ANO7: variants seen among roughly 807,000 people sequenced by gnomAD.
ANO7 encodes the protein anoctamin 7, also known as anoctamin-7.
A neutral mutation model predicts 115.8 loss-of-function variants in ANO7; 114 were observed. That is an observed-to-expected ratio of 0.98 (90% CI 0.85 to 1.15). ANO7 has a LOEUF of 1.15. ANO7 is among the 50% of genes most tolerant of loss of function. ANO7 has a pLI of 0.00. For synonymous variants in ANO7, 550 were observed against 498.2 expected, an observed-to-expected ratio of 1.10 and a Z score of -1.38; for missense variants, 1,302 against 1,201.2, an observed-to-expected ratio of 1.08 and a Z score of -1.24.
chr2:241,223,334 T>C (rs1282381602), intron 22 of ANO7, 58 bp downstream of exon 22: 1 of 1,589,394 alleles, frequency 6.3e-7, no homozygotes, highest in Admixed American at 1.7e-5. Flanking sequence ...ACCCTGTGCT[T>C]TGCCTAATTC....
At chr2:241,210,441 C>T (rs370708771) in intron 14 of ANO7, 27 bp from the exon 15 acceptor site, 54 of 1,613,670 alleles carry the variant, frequency 3.3e-5, no homozygotes, top group South Asian at 4.4e-5. Context: ...GCCCCTCATC[C>T]GGCTCTGACG....
chr2:241,211,542 G>A (rs544721580), intron 15 of ANO7, among the ~76,000 whole-genome samples: 12 of 152,212 alleles, frequency 7.9e-5, no homozygotes, highest in Admixed American at 1.3e-4. Context: ...CTTAAGTGCT[G>A]AGGAGGAAGT....
intron 9 of ANO7, among the ~76,000 whole-genome samples, chr2:241,204,003 C>G (rs753801902): frequency 1.3e-5 from 2 of 152,198 alleles, no homozygotes; most frequent in Admixed American, 6.5e-5. Flanking sequence ...TTCTGTGCCC[C>G]AGAACTTCCA....
chr2:241,224,277 T>C lies in ANO7; in HGVS notation c.*124T>C. ...CCGCTGGCTGCTGTTGTGCCTCATCTCTGGGCACATTGCCTGCTTCCCCCC... is the reference window on the plus strand; with the variant it reads ...CCGCTGGCTGCTGTTGTGCCTCATCCCTGGGCACATTGCCTGCTTCCCCCC... On this transcript the variant is annotated 3_prime_UTR_variant, in exon 25 of 25. Coordinates refer to ENST00000674324, the MANE Select transcript of ANO7 (RefSeq NM_001370694.2). 1 of 1,064,232 alleles carries C rather than the reference T, an allele frequency of 9.4e-7. No individual in the cohort carries two copies. Among genetic ancestry groups the C allele is most frequent in the Non-Finnish European group, 1.4e-6 (1 of 732,828 alleles). The allele number at this position is 1,064,232 out of a possible 1,614,324, so 65.9% of individuals were successfully genotyped here.
In ANO7 at chr2:241,188,789, T is replaced by C. The variant is rs2068117310; in HGVS notation, c.-8+23T>C. On this transcript the variant is annotated intron_variant, in intron 1 of 24. Coordinates refer to ENST00000674324, the MANE Select transcript of ANO7 (RefSeq NM_001370694.2). The surrounding 1 kb of genome is among the most constrained non-coding windows in gnomAD (Gnocchi z 4.3). The stretch of plus-strand genomic sequence containing the variant: ...CAGGTGGGGACCCAGCCTAGACGTG[T>C]GGGCCACAGGGAGAAGGTGGAGCGT... The C allele has an allele frequency of 1.9e-6, 3 of 1,604,742 alleles. No homozygotes were observed. Among genetic ancestry groups the C allele is most frequent in the African/African-American group, 1.3e-5 (1 of 74,246 alleles).
At chr2:241,216,438 G>A (rs1261236068) in intron 19 of ANO7, among the ~76,000 whole-genome samples, 200 bp downstream of exon 19, 1 of 152,244 alleles carries the variant, frequency 6.6e-6, no homozygotes. Context: ...TGCCCAAGAG[G>A]GTTGGCTGAG....
Position 241,217,782 on chromosome 2 carries a change from C to T in ANO7, c.2069C>T (p.Ala690Val). The change falls in exon 20 of 25, where the codon GCG becomes GTG. Residue 690 changes from alanine to valine, a missense_variant. By Grantham distance (64) the Ala-to-Val change is moderately conservative. Transcript: ENST00000674324. ...LNNWVEIRLDARKFVCEYRRP... is the reference protein window; with the variant it reads ...LNNWVEIRLDVRKFVCEYRRP... ...AACTGGGTGGAGATCCGCTTGGACG[C>T]GCGCAAGTTCGTCTGCGAGTACCGG... The T allele has an allele frequency of 1.2e-6, 2 of 1,609,984 alleles. No individual in the cohort carries two copies. Among genetic ancestry groups the T allele is most frequent in the Non-Finnish European group, 1.7e-6 (2 of 1,178,804 alleles).
At chr2:241,196,831 ATTCATTCGTGTGTGTGTGTG>A (rs1387120255) in intron 4 of ANO7, among the ~76,000 whole-genome samples, 1 of 143,210 alleles carries the variant, frequency 7.0e-6, no homozygotes, top group Non-Finnish European at 1.5e-5. Context: ...GCTACTGTCA[ATTCATTCGTGTGTGTGTGTG>A]TGTGTGTGTG....
downstream of ANO7, among the ~76,000 whole-genome samples, chr2:241,226,300 T>C (rs1440890304): frequency 2.0e-5 from 3 of 152,136 alleles, no homozygotes; most frequent in Admixed American, 6.6e-5. Context: ...CGAGCATCCA[T>C]CTCAGCCCCT....
chr2:241,240,186 A>G, the ANO7 span: 10 of 1,516,090 alleles, frequency 6.6e-6, no homozygotes, highest in Non-Finnish European at 7.3e-6. This position sits in a 1 kb window ranked among gnomAD's most constrained non-coding sequence, Gnocchi z 5.5. Context: ...TGAGGAAGAC[A>G]AGAGGGTCTG....
chr2:241,211,534 TAAGTGCTGAGGAGG>T (rs1356544227), intron 15 of ANO7, among the ~76,000 whole-genome samples: 1 of 152,134 alleles, frequency 6.6e-6, no homozygotes, highest in East Asian at 1.9e-4. Flanking sequence ...GGAGAGGGCT[TAAGTGCTGAGGAGG>T]AAGTGCCTCC....
At chr2:241,212,685 T>C (rs2149231081) in intron 17 of ANO7, 59 bp downstream of exon 17, 1 of 1,523,352 alleles carries the variant, frequency 6.6e-7, no homozygotes, top group Non-Finnish European at 8.9e-7. Flanking sequence ...CTCACTTCCA[T>C]TCTTCCATTC....
chr2:241,193,336 C>T (rs1038004317), intron 3 of ANO7, among the ~76,000 whole-genome samples: 4 of 152,152 alleles, frequency 2.6e-5, no homozygotes, highest in Non-Finnish European at 5.9e-5. Context: ...TCCAAAAGTG[C>T]TGGGATTATA....
downstream of ANO7, chr2:241,229,943 T>C (rs1473727691): frequency 5.6e-6 from 9 of 1,603,132 alleles, no homozygotes; most frequent in Admixed American, 3.4e-5. Context: ...AGCGCCTCAC[T>C]GTCCACCACG....
chr2:241,208,984 C>G (rs1475472901), intron 11 of ANO7, among the ~76,000 whole-genome samples: 1 of 152,142 alleles, frequency 6.6e-6, no homozygotes, highest in Non-Finnish European at 1.5e-5. Context: ...CTCGTCTCTA[C>G]TAAAAATACA....
At chr2:241,223,384 T>G (rs745898341) in intron 22 of ANO7, 108 bp downstream of exon 22, 1 of 1,282,438 alleles carries the variant, frequency 7.8e-7, no homozygotes, top group Non-Finnish European at 1.1e-6. Context: ...CTTCCTGCTG[T>G]GTCATCTTGG....
intron 9 of ANO7, 58 bp from the exon 10 acceptor site, chr2:241,204,807 T>G: frequency 6.9e-7 from 1 of 1,451,620 alleles, no homozygotes; most frequent in Non-Finnish European, 9.6e-7. Context: ...TGCAGACCCC[T>G]ACCTGGGGCC....
intron 1 of ANO7, among the ~76,000 whole-genome samples, chr2:241,189,055 T>C (rs1339250117): frequency 6.6e-6 from 1 of 152,178 alleles, no homozygotes; most frequent in Non-Finnish European, 1.5e-5. Context: ...CCATTCTTTC[T>C]GCAGAGAGCT....
the ANO7 span, chr2:241,239,588 A>G: frequency 1.2e-6 from 2 of 1,610,816 alleles, no homozygotes; most frequent in East Asian, 2.2e-5. The surrounding 1 kb of genome is among the most constrained non-coding windows in gnomAD (Gnocchi z 4.6). Flanking sequence ...CTCCCCGAGC[A>G]CCCAAGTGCC....
Sources: allele counts gnomAD v4.1 joint callset (sites outside exome capture counted in the v4.1 genomes callset), GRCh38; gene constraint gnomAD v4.1.1; non-coding constraint Gnocchi (gnomAD v3.1); transcripts MANE v1.5; gene names NCBI Gene and HGNC (gene_info 2026-07-23, HGNC 2026-07-21).